MICAL3: variants seen among roughly 807,000 people sequenced by gnomAD.
MICAL3 encodes the protein [F-actin]-monooxygenase MICAL3.
In MICAL3, 62 loss-of-function variants were observed where a neutral mutation model predicts 207.4. The observed-to-expected ratio is 0.30, with a 90% CI of 0.24 to 0.37. The LOEUF is 0.37. MICAL3 is among the 10% of genes least tolerant of loss of function. The probability of loss-of-function intolerance (pLI) is 1.00; values close to 1 mark genes in which losing one functional copy is unlikely to be tolerated. For synonymous variants in MICAL3, 1,077 were observed against 1,069.3 expected (o/e 1.01, Z -0.14); for missense variants, 2,368 against 2,635.6 (o/e 0.90, Z 2.22).
intron 29 of MICAL3, among the ~76,000 whole-genome samples, chr22:17,804,177 C>T (rs777542104): frequency 2.6e-5 from 4 of 152,212 alleles, no homozygotes; most frequent in Non-Finnish European, 4.4e-5. Flanking sequence ...GAGGCTTTGG[C>T]TTTGCTGGGA....
At chr22:17,839,964 A>C (rs1186113894) in intron 20 of MICAL3, 1 of 123,984 alleles carries the variant, frequency 8.1e-6, no homozygotes, top group Non-Finnish European at 1.6e-5. Flanking sequence ...ACGGAGTCTC[A>C]CCATCTCCCA....
intron 19 of MICAL3, among the ~76,000 whole-genome samples, chr22:17,842,910 A>C (rs567134047): frequency 1.3e-5 from 2 of 152,148 alleles, no homozygotes; most frequent in South Asian, 2.1e-4. Flanking sequence ...TCACGAGGTC[A>C]GCAGATCAAG....
At chr22:17,872,079 C>T in intron 16 of MICAL3, 56 bp from the exon 17 acceptor site, 1 of 1,481,436 alleles carries the variant, frequency 6.8e-7, no homozygotes, top group Non-Finnish European at 9.2e-7. Flanking sequence ...GCCACACAGG[C>T]CCTCCTAGAG....
At chr22:17,881,161 C>A in intron 16 of MICAL3, 4 of 1,500,228 alleles carry the variant, frequency 2.7e-6, no homozygotes, top group Non-Finnish European at 3.7e-6. Flanking sequence ...CACAGACAGG[C>A]AGGCAGACAG....
rs768938036 is a variant in MICAL3, at chr22:17,817,831, C to T, written c.4830G>A (p.Arg1610=). ...REKSVKSQAL[R]DAMARQLSRM... is the part of the protein sequence containing the mutation. ...TGCTCAGCTGCCTGGCCATGGCGTC[C>T]CGCAGCGCCTGGCTCTTCACGGACT... The change falls in exon 26 of 32, where the codon CGG becomes CGA. Residue 1610 remains arginine, a synonymous_variant. Transcript: ENST00000441493. The T allele has an allele frequency of 3.1e-6, 5 of 1,611,384 alleles. No individual in the cohort carries two copies. The Admixed American group carries it at 8.3e-5, about 27-fold the overall frequency.
At chr22:17,877,369 G>T (rs375393516) in intron 16 of MICAL3, among the ~76,000 whole-genome samples, 318 of 21,336 alleles carry the variant, frequency 0.015, 1 homozygote, top group Middle Eastern at 0.024. Flanking sequence ...ATGGAGGTTA[G>T]GGAGGTGAGG....
chr22:17,885,150 C>A (rs2146216087), intron 16 of MICAL3, among the ~76,000 whole-genome samples: 1 of 152,334 alleles, frequency 6.6e-6, no homozygotes, highest in Non-Finnish European at 1.5e-5. Flanking sequence ...AAGCTGCTGC[C>A]ATGCACTCGC....
intron 1 of MICAL3, among the ~76,000 whole-genome samples, chr22:17,907,293 A>T (rs1229643714): frequency 2.0e-5 from 3 of 152,212 alleles, no homozygotes; most frequent in Non-Finnish European, 2.9e-5. Context: ...TTAGCCAGGC[A>T]GGGAAGAGGT....
At chr22:17,957,774 G>A (rs988039662) in intron 1 of MICAL3, among the ~76,000 whole-genome samples, 1 of 148,952 alleles carries the variant, frequency 6.7e-6, no homozygotes, top group African/African-American at 2.5e-5. Context: ...ATGAAAGAAC[G>A]AAAGAAAGAA....
At chr22:18,007,006 G>A (rs1385679450) in intron 1 of MICAL3, among the ~76,000 whole-genome samples, 3 of 151,818 alleles carry the variant, frequency 2.0e-5, no homozygotes, top group East Asian at 1.9e-4. Context: ...ACAGGCACCC[G>A]CCATCATGCC....
chr22:17,853,452 G>A (rs1171534621), intron 19 of MICAL3, among the ~76,000 whole-genome samples: 1 of 152,224 alleles, frequency 6.6e-6, no homozygotes, highest in African/African-American at 2.4e-5. Flanking sequence ...ACAGCCAGTA[G>A]AAATGATTCT....
At position 17,977,078 on chromosome 22, in the gene MICAL3, C is replaced by T. The variant is rs890973911; in HGVS notation, c.-75+47203G>A. 1.5e-4 allele frequency among the ~76,000 whole-genome samples: 23 copies of T among 151,920 alleles called. 1 individual carries two copies. The highest frequency in any genetic ancestry group is 1.2e-3 in the Admixed American group (18 of 15,232). ...TCCGCCTCCCAAAGTGCTGGGATTA[C>T]GGCGTGAGCCACCACGCCCGGCAGA... On this transcript the variant is annotated intron_variant, in intron 1 of 31. Coordinates refer to ENST00000441493, the MANE Select transcript of MICAL3 (RefSeq NM_015241.3).
intron 1 of MICAL3, among the ~76,000 whole-genome samples, chr22:17,908,214 G>A (rs1303389224): frequency 6.6e-6 from 1 of 152,200 alleles, no homozygotes; most frequent in Non-Finnish European, 1.5e-5. Flanking sequence ...CCAGCTGCAC[G>A]ACCCCGCTGC....
intron 19 of MICAL3, among the ~76,000 whole-genome samples, chr22:17,849,137 G>A (rs1017086710): frequency 2.0e-5 from 3 of 152,210 alleles, no homozygotes; most frequent in African/African-American, 7.2e-5. Context: ...AAGCAGCAGT[G>A]TTTGTTGAGC....
intron 1 of MICAL3, among the ~76,000 whole-genome samples, chr22:18,013,212 C>T (rs1923856268): frequency 6.6e-6 from 1 of 152,240 alleles, no homozygotes; most frequent in Admixed American, 6.5e-5. Flanking sequence ...GGCTCTCATC[C>T]TTTCCAAGAC....
intron 1 of MICAL3, among the ~76,000 whole-genome samples, chr22:17,976,300 G>A (rs531031267): frequency 6.6e-6 from 1 of 152,046 alleles, no homozygotes; most frequent in Non-Finnish European, 1.5e-5. Flanking sequence ...AGTAAATAAA[G>A]CTGAAAATCT....
intron 1 of MICAL3, among the ~76,000 whole-genome samples, chr22:17,958,007 T>C (rs1934716277): frequency 6.6e-6 from 1 of 152,228 alleles, no homozygotes; most frequent in South Asian, 2.1e-4. Context: ...AACCTAAAAA[T>C]TCCACATTAC....
chr22:17,928,211 G>A (rs556616085), intron 1 of MICAL3, among the ~76,000 whole-genome samples: 4 of 152,086 alleles, frequency 2.6e-5, no homozygotes, highest in Non-Finnish European at 5.9e-5. Flanking sequence ...AGGCCGAGGC[G>A]GGCGCATCAC....
chr22:17,813,574 GAC>G lies in MICAL3; in HGVS notation c.5446-2763_5446-2762del, dbSNP rs1269885534. On this transcript the variant is annotated intron_variant, in intron 27 of 31. Coordinates refer to ENST00000441493, the MANE Select transcript of MICAL3 (RefSeq NM_015241.3). The stretch of plus-strand genomic sequence containing the variant: ...GAGAACAAGCCGGTTCAGAAAAAGA[GAC>G]AGATGATTTCCCGAAGCGGCTGCAA... The G allele has an allele frequency of 3.9e-5, 6 of 152,262 alleles. No individual in the cohort carries two copies. In the South Asian group the frequency reaches 1.2e-3, roughly 31 times the overall value. 9.4% of individuals were successfully genotyped at this position (152,262 alleles called of 1,614,324 possible).
Sources: allele counts gnomAD v4.1 joint callset (sites outside exome capture counted in the v4.1 genomes callset), GRCh38; gene constraint gnomAD v4.1.1; transcripts MANE v1.5; gene names NCBI Gene and HGNC (gene_info 2026-07-23, HGNC 2026-07-21).